PRKG1: variants seen among roughly 807,000 people sequenced by gnomAD.
PRKG1 encodes the protein cGMP-dependent protein kinase 1.
PRKG1 carries 35 observed loss-of-function variants against 88.1 expected under a neutral mutation model. That is an observed-to-expected ratio of 0.40 (90% CI 0.30 to 0.53). The LOEUF (loss-of-function observed/expected upper bound fraction) is 0.53, where lower values mean the gene tolerates loss of function less well. PRKG1 is among the 20% of genes least tolerant of loss of function. The pLI is 0.59. For synonymous variants in PRKG1, 303 were observed against 292.5 expected, an observed-to-expected ratio of 1.04 and a Z score of -0.37; for missense variants, 540 against 839.8, an observed-to-expected ratio of 0.64 and a Z score of 4.41.
At chr10:51,207,496 CTTA>C (rs1164105069) in intron 2 of PRKG1, among the ~76,000 whole-genome samples, 1 of 151,994 alleles carries the variant, frequency 6.6e-6, no homozygotes, top group African/African-American at 2.4e-5. Flanking sequence ...TGGTGCCTGC[CTTA>C]TTATTATTTT....
intron 5 of PRKG1, among the ~76,000 whole-genome samples, chr10:52,001,216 A>C (rs1207820171): frequency 6.6e-6 from 1 of 151,982 alleles, no homozygotes; most frequent in African/African-American, 2.4e-5. Context: ...TTCATTGTGT[A>C]TAACTTTTCT....
intron 3 of PRKG1, among the ~76,000 whole-genome samples, chr10:51,608,171 A>G (rs1266975375): frequency 6.6e-6 from 1 of 151,582 alleles, no homozygotes; most frequent in Non-Finnish European, 1.5e-5. Flanking sequence ...TGTCAACAAC[A>G]GACTGCATAT....
intron 3 of PRKG1, among the ~76,000 whole-genome samples, chr10:51,560,953 G>A (rs10998122): frequency 0.23 from 34,261 of 151,658 alleles, 5,786 homozygotes; most frequent in African/African-American, 0.48. Flanking sequence ...GTGCTTAGAC[G>A]GTTTTGAACA....
chr10:51,653,088 T>C (rs1023747994), intron 3 of PRKG1, among the ~76,000 whole-genome samples: 1 of 152,232 alleles, frequency 6.6e-6, no homozygotes, highest in African/African-American at 2.4e-5. Context: ...TGTGTATATA[T>C]ACATTTCTTT....
At chr10:51,447,683 TACC>T (rs1839315480) in intron 2 of PRKG1, among the ~76,000 whole-genome samples, 1 of 152,006 alleles carries the variant, frequency 6.6e-6, no homozygotes, top group African/African-American at 2.4e-5. Flanking sequence ...ATCTACCACA[TACC>T]ACCATTTCCA....
intron 2 of PRKG1, among the ~76,000 whole-genome samples, chr10:51,335,778 T>C (rs914045009): frequency 2.6e-5 from 4 of 152,186 alleles, no homozygotes; most frequent in Non-Finnish European, 5.9e-5. Context: ...AACTTCTATA[T>C]AATTCAATGT....
In PRKG1 at chr10:51,765,454, C is replaced by A. The variant is rs1176148183; in HGVS notation, c.593-39131C>A. ...TCTAATAATCAAATCTTCTATGATT[C>A]AGTCTTAGTTTATCTTGCCAAATTA... On this transcript the variant is annotated intron_variant, in intron 3 of 17. Coordinates refer to ENST00000373980, the MANE Select transcript of PRKG1 (RefSeq NM_006258.4). Among the ~76,000 whole-genome samples the A allele has an allele frequency of 2.0e-5, 3 of 152,144 alleles. No individual in the cohort carries two copies. The South Asian group carries it at 6.2e-4, about 31-fold the overall frequency.
At chr10:51,445,918 C>T (rs1839258967) in intron 2 of PRKG1, among the ~76,000 whole-genome samples, 1 of 151,842 alleles carries the variant, frequency 6.6e-6, no homozygotes, top group Non-Finnish European at 1.5e-5. Flanking sequence ...CCTCTAAACC[C>T]TGCTCAAACA....
At chr10:52,272,357 T>A (rs768086695) in intron 11 of PRKG1, 35 bp from the exon 12 acceptor site, 4 of 1,489,164 alleles carry the variant, frequency 2.7e-6, no homozygotes, top group Non-Finnish European at 3.7e-6. Flanking sequence ...GACAGTAATG[T>A]TTATAATCTT....
At chr10:51,109,945 A>G (rs1298844227) in intron 1 of PRKG1, among the ~76,000 whole-genome samples, 1 of 152,144 alleles carries the variant, frequency 6.6e-6, no homozygotes, top group Non-Finnish European at 1.5e-5. Flanking sequence ...ACCAAAGAGG[A>G]TATATGAAAA....
At chr10:51,081,484 C>T (rs1423583650) in intron 1 of PRKG1, among the ~76,000 whole-genome samples, 2 of 152,176 alleles carry the variant, frequency 1.3e-5, no homozygotes, top group African/African-American at 4.8e-5. Context: ...AAGATAGTTT[C>T]CCATTAGACC....
chr10:51,444,102 A>G (rs1189302611), intron 2 of PRKG1, among the ~76,000 whole-genome samples: 2 of 151,692 alleles, frequency 1.3e-5, no homozygotes, highest in African/African-American at 4.8e-5. Flanking sequence ...AAGAGAGTAC[A>G]GGAAAAAAAA....
At chr10:52,167,922 A>G (rs972230325) in intron 9 of PRKG1, among the ~76,000 whole-genome samples, 25 of 152,166 alleles carry the variant, frequency 1.6e-4, no homozygotes, top group African/African-American at 6.0e-4. Flanking sequence ...TCTCTTGTCA[A>G]AATCTATGTG....
At chr10:51,201,421 C>T (rs941125852) in intron 2 of PRKG1, among the ~76,000 whole-genome samples, 2 of 152,106 alleles carry the variant, frequency 1.3e-5, no homozygotes, top group African/African-American at 2.4e-5. Flanking sequence ...CGTCACACTC[C>T]AGCCTAGGGG....
intron 3 of PRKG1, among the ~76,000 whole-genome samples, chr10:51,675,417 G>T (rs1840685530): frequency 6.6e-6 from 1 of 152,080 alleles, no homozygotes; most frequent in Non-Finnish European, 1.5e-5. Context: ...ATATAAAATT[G>T]CAATTTTTAT....
chr10:51,390,160 G>C (rs1312505868), intron 2 of PRKG1, among the ~76,000 whole-genome samples: 2 of 152,164 alleles, frequency 1.3e-5, no homozygotes, highest in African/African-American at 4.8e-5. Flanking sequence ...GAATCATGTG[G>C]AACACATCCA....
intron 2 of PRKG1, among the ~76,000 whole-genome samples, chr10:51,374,640 T>C (rs2132616489): frequency 6.6e-6 from 1 of 152,210 alleles, no homozygotes; most frequent in Non-Finnish European, 1.5e-5. Flanking sequence ...GAGGATACAG[T>C]GTTCAAGGTG....
intron 3 of PRKG1, among the ~76,000 whole-genome samples, chr10:51,681,931 C>CTA (rs940578424): frequency 1.3e-5 from 2 of 152,050 alleles, no homozygotes; most frequent in African/African-American, 4.8e-5. Flanking sequence ...TATATGTGCG[C>CTA]TATATATATA....
chr10:51,861,172 T>C (rs950319105), intron 4 of PRKG1, among the ~76,000 whole-genome samples: 4 of 152,220 alleles, frequency 2.6e-5, no homozygotes, highest in African/African-American at 9.6e-5. Context: ...TCAAACCCTG[T>C]CAGTCTGGTG....
Sources: allele counts gnomAD v4.1 joint callset (sites outside exome capture counted in the v4.1 genomes callset), GRCh38; gene constraint gnomAD v4.1.1; transcripts MANE v1.5; gene names NCBI Gene and HGNC (gene_info 2026-07-23, HGNC 2026-07-21).